Variants in NPIPB15 observed in about 807,000 individuals in gnomAD.
The protein encoded by NPIPB15 is nuclear pore complex-interacting protein family member B15.
A neutral mutation model predicts 35.9 loss-of-function variants in NPIPB15; 5 were observed. The observed-to-expected ratio is 0.14, with a 90% CI of 0.07 to 0.29. The LOEUF (loss-of-function observed/expected upper bound fraction) is 0.29, where lower values mean the gene tolerates loss of function less well. Ranked by LOEUF, NPIPB15 falls within the 10% of genes least tolerant of loss-of-function variation. NPIPB15 has a pLI of 1.00. For synonymous variants in NPIPB15, 43 were observed against 182.0 expected (o/e 0.24, Z 6.15); for missense variants, 100 against 506.1 (o/e 0.20, Z 7.70).
At chr16:74,377,464 C>T (rs1424925281) in intron 1 of NPIPB15, among the ~76,000 whole-genome samples, 118 bp downstream of exon 1, 19 of 152,078 alleles carry the variant, frequency 1.2e-4, no homozygotes, top group Non-Finnish European at 2.5e-4. Flanking sequence ...GAGGCACCAC[C>T]GGGGTCATCA....
chr16:74,380,873 C>A (rs1409812826), intron 2 of NPIPB15, among the ~76,000 whole-genome samples: 3 of 152,338 alleles, frequency 2.0e-5, no homozygotes, highest in East Asian at 1.9e-4. Context: ...TGGCTGGGCA[C>A]GGTGGCTCAC....
Position 74,376,605 on chromosome 16 carries a change from C to T in NPIPB15, c.-764C>T, listed in dbSNP as rs1407085160. Among the ~76,000 whole-genome samples the T allele has an allele frequency of 6.6e-6, 1 of 151,918 alleles. No homozygotes were observed. Among genetic ancestry groups the T allele is most frequent in the African/African-American group, 2.4e-5 (1 of 41,370 alleles). ...ATGAAGGTCAACTTGGTTTTCTCCCCCTCATTTGGGTTCAGAATTTAAAGT... is the reference window on the plus strand; with the variant it reads ...ATGAAGGTCAACTTGGTTTTCTCCCTCTCATTTGGGTTCAGAATTTAAAGT... On this transcript the variant is annotated 5_prime_UTR_variant, in exon 1 of 8. Transcript: ENST00000692376.
intron 2 of NPIPB15, among the ~76,000 whole-genome samples, chr16:74,379,041 C>A (rs1337105373): frequency 2.6e-5 from 4 of 152,242 alleles, no homozygotes; most frequent in Admixed American, 2.6e-4. Flanking sequence ...CTCAGGTGAT[C>A]CGCCCGCCTT....
chr16:74,380,872 A>T (rs1376384767), intron 2 of NPIPB15, among the ~76,000 whole-genome samples: 5 of 152,198 alleles, frequency 3.3e-5, no homozygotes, highest in Non-Finnish European at 5.9e-5. Flanking sequence ...ATGGCTGGGC[A>T]CGGTGGCTCA....
chr16:74,376,687 A>T lies in NPIPB15; in HGVS notation c.-682A>T, dbSNP rs535409676. ...TAAGGACATCATCACTCGGTTTCAG[A>T]TGTTAAAATGTCTAGGTGGGTTAGG... is the stretch of plus-strand genomic sequence containing the variant. On this transcript the variant is annotated 5_prime_UTR_variant, in exon 1 of 8. It removes an upstream start codon present in the reference 5' UTR. Coordinates refer to ENST00000692376, the MANE Select transcript of NPIPB15 (RefSeq NM_001306094.2). 6.6e-6 allele frequency among the ~76,000 whole-genome samples: 1 copy of T among 152,148 alleles called. No individual in the cohort carries two copies. The highest frequency in any genetic ancestry group is 1.5e-5 in the Non-Finnish European group (1 of 68,030).
intron 2 of NPIPB15, among the ~76,000 whole-genome samples, chr16:74,378,921 C>T (rs2011831004): frequency 6.6e-6 from 1 of 152,002 alleles, no homozygotes; most frequent in African/African-American, 2.4e-5. Context: ...CTGCCTCAGC[C>T]TCCCGAGTGG....
At position 74,381,839 on chromosome 16, in the gene NPIPB15, A is replaced by AATTATGAAAATGTCTGCCATTTAC. The variant is rs1375077810; in HGVS notation, c.249+153_249+176dup. On this transcript the variant is annotated intron_variant, in intron 3 of 7. Transcript: ENST00000692376. ...CAGGGAAATGATTTATTAGCATAAG[A>AATTATGAAAATGTCTGCCATTTAC]ATTATGAAAATGTCTGCCATTTACA... is the stretch of plus-strand genomic sequence containing the variant. 8.0e-5 allele frequency: 76 copies of AATTATGAAAATGTCTGCCATTTAC among 948,524 alleles called. No individual in the cohort carries two copies. The African/African-American group carries it at 1.2e-3, about 16-fold the overall frequency. 58.8% of individuals were successfully genotyped at this position (948,524 alleles called of 1,614,324 possible).
At chr16:74,384,615 C>T (rs2012159472) in intron 3 of NPIPB15, among the ~76,000 whole-genome samples, 1 of 145,626 alleles carries the variant, frequency 6.9e-6, no homozygotes. Flanking sequence ...GATTCACCCG[C>T]CTCAGCCTCC....
intron 1 of NPIPB15, among the ~76,000 whole-genome samples, chr16:74,377,662 C>A (rs534593887): frequency 4.6e-5 from 7 of 151,884 alleles, no homozygotes; most frequent in African/African-American, 1.7e-4. Flanking sequence ...CTTCCACCAG[C>A]GCTTGAGAAC....
intron 5 of NPIPB15, among the ~76,000 whole-genome samples, chr16:74,386,350 A>G (rs1445810968): frequency 3.3e-5 from 4 of 120,150 alleles, no homozygotes; most frequent in South Asian, 3.1e-4. Context: ...CTGGAGTGCT[A>G]TGGTGCAATC....
chr16:74,381,148 C>CAAAAAAAAA, intron 2 of NPIPB15, among the ~76,000 whole-genome samples: 1 of 74,254 alleles, frequency 1.3e-5, no homozygotes, highest in South Asian at 4.2e-4. Context: ...ACTCTGTCTC[C>CAAAAAAAAA]AAAAAAAAAA....
At chr16:74,385,086 C>G (rs1440278074) in intron 3 of NPIPB15, among the ~76,000 whole-genome samples, 1 of 146,482 alleles carries the variant, frequency 6.8e-6, no homozygotes, top group Non-Finnish European at 1.5e-5. Flanking sequence ...GTGATCTCGG[C>G]TCACTGCAAC....
chr16:74,377,623 C>T (rs548866199), intron 1 of NPIPB15, among the ~76,000 whole-genome samples: 2,222 of 151,890 alleles, frequency 0.015, 26 homozygotes, highest in Non-Finnish European at 0.021. Flanking sequence ...TGTTGCTTCC[C>T]TGATCTTCTC....
intron 2 of NPIPB15, 65 bp from the exon 3 acceptor site, chr16:74,381,451 T>C (rs2011983457): frequency 3.9e-6 from 6 of 1,533,672 alleles, no homozygotes; most frequent in Non-Finnish European, 5.3e-6. Flanking sequence ...TAAGGATGAT[T>C]CTTTCTGAGT....
chr16:74,389,246 A>G (rs1332893884), intron 5 of NPIPB15, among the ~76,000 whole-genome samples: 1 of 149,080 alleles, frequency 6.7e-6, no homozygotes, highest in African/African-American at 2.5e-5. Context: ...AAGATGCTCA[A>G]TGAAGGATGA....
Position 74,377,051 on chromosome 16 carries a change from A to G in NPIPB15, c.-318A>G, listed in dbSNP as rs968788557. 4.2e-5 allele frequency among the ~76,000 whole-genome samples: 6 copies of G among 143,784 alleles called. No homozygotes were observed. Among genetic ancestry groups the G allele is most frequent in the Non-Finnish European group, 6.0e-5 (4 of 66,276 alleles). The allele number at this position is 143,784 out of a possible 152,430, so 94.3% of individuals were successfully genotyped here. On this transcript the variant is annotated 5_prime_UTR_variant, in exon 1 of 8. Transcript: ENST00000692376. ...GCATGCTTAAAATGAATGTATCTAC[A>G]TTTGTTCCTGAGATACAGGTTGATG...
Position 74,376,455 on chromosome 16 carries a change from C to G in NPIPB15, c.-914C>G, listed in dbSNP as rs1235685600. Among the ~76,000 whole-genome samples the G allele has an allele frequency of 2.7e-5, 4 of 150,018 alleles. No individual in the cohort carries two copies. The highest frequency in any genetic ancestry group is 9.8e-5 in the African/African-American group (4 of 40,756). ...GGTCCTGCCCACCTGCTTGGAGCTCCCCACCCATCACACATGATGCTGCCA... is the reference window on the plus strand; with the variant it reads ...GGTCCTGCCCACCTGCTTGGAGCTCGCCACCCATCACACATGATGCTGCCA... On this transcript the variant is annotated 5_prime_UTR_variant, in exon 1 of 8. Transcript: ENST00000692376.
At chr16:74,378,240 G>C (rs904691829) in intron 2 of NPIPB15, among the ~76,000 whole-genome samples, 6 of 151,602 alleles carry the variant, frequency 4.0e-5, no homozygotes, top group Non-Finnish European at 7.4e-5. Flanking sequence ...AAGATTAGTC[G>C]GGCCTGGTGG....
intron 2 of NPIPB15, among the ~76,000 whole-genome samples, chr16:74,378,655 G>A (rs528395918): frequency 6.0e-5 from 9 of 150,422 alleles, no homozygotes; most frequent in African/African-American, 2.0e-4. Flanking sequence ...CTCGTGATCC[G>A]CCTGCCTCGG....
Sources: allele counts gnomAD v4.1 joint callset (sites outside exome capture counted in the v4.1 genomes callset), GRCh38; gene constraint gnomAD v4.1.1; transcripts MANE v1.5; gene names NCBI Gene and HGNC (gene_info 2026-07-23, HGNC 2026-07-21).